The following RAPGEF5 variants were observed in gnomAD, a reference collection of about 807,000 sequenced individuals.
RAPGEF5 encodes Rap guanine nucleotide exchange factor 5.
In RAPGEF5, 65 loss-of-function variants were observed where a neutral mutation model predicts 125.2. The observed-to-expected ratio is 0.52, with a 90% CI of 0.43 to 0.64. The LOEUF is 0.64. Among genes scored for constraint, RAPGEF5 ranks in the 30% least tolerant of loss-of-function variants. The probability of loss-of-function intolerance (pLI) is 0.00; values close to 1 mark genes in which losing one functional copy is unlikely to be tolerated. For synonymous variants in RAPGEF5, 391 were observed against 385.9 expected, an observed-to-expected ratio of 1.01 and a Z score of -0.16; for missense variants, 958 against 1,048.1, an observed-to-expected ratio of 0.91 and a Z score of 1.19.
intron 19 of RAPGEF5, among the ~76,000 whole-genome samples, chr7:22,146,691 T>G (rs1393966730): frequency 6.6e-6 from 1 of 152,206 alleles, no homozygotes; most frequent in Non-Finnish European, 1.5e-5. Context: ...CACAAGCATA[T>G]GCTCACACTA....
intron 7 of RAPGEF5, among the ~76,000 whole-genome samples, chr7:22,252,368 G>T (rs986855883): frequency 6.6e-6 from 1 of 152,190 alleles, no homozygotes; most frequent in Non-Finnish European, 1.5e-5. Context: ...TGTCTACTAA[G>T]TGTTACACAG....
intron 21 of RAPGEF5, among the ~76,000 whole-genome samples, chr7:22,137,959 G>A (rs1783129145): frequency 6.6e-6 from 1 of 151,058 alleles, no homozygotes; most frequent in Admixed American, 6.6e-5. Flanking sequence ...TTTTGAATAT[G>A]GACTCAGTTT....
At chr7:22,184,233 G>A (rs1724574047) in intron 11 of RAPGEF5, among the ~76,000 whole-genome samples, 1 of 152,152 alleles carries the variant, frequency 6.6e-6, no homozygotes, top group African/African-American at 2.4e-5. Flanking sequence ...AATTCTAACA[G>A]TGGACACAGA....
chr7:22,232,952 G>A (rs1786096086), intron 7 of RAPGEF5, among the ~76,000 whole-genome samples: 1 of 152,188 alleles, frequency 6.6e-6, no homozygotes, highest in African/African-American at 2.4e-5. Flanking sequence ...AGGCAAGGTA[G>A]GAAGAGGTGA....
At chr7:22,261,859 A>C (rs1183442424) in intron 7 of RAPGEF5, among the ~76,000 whole-genome samples, 2 of 152,200 alleles carry the variant, frequency 1.3e-5, no homozygotes, top group African/African-American at 4.8e-5. Context: ...GGCCAAAAAA[A>C]AAAAGAGAAA....
intron 3 of RAPGEF5, among the ~76,000 whole-genome samples, chr7:22,311,319 G>GT (rs1481420106): frequency 1.3e-5 from 2 of 152,002 alleles, no homozygotes; most frequent in Admixed American, 1.3e-4. Context: ...TGGCCAAAAT[G>GT]TTTTTTTAAA....
rs531672724 is a variant in RAPGEF5, at chr7:22,146,783, T to C, written c.2007+114A>G. ...TCAATATATTTCAAGTCCCCAAATA[T>C]CTTTTGGACCACGTTATTCTAGCAT... On this transcript the variant is annotated intron_variant, in intron 19 of 25. Coordinates refer to ENST00000665637, the MANE Select transcript of RAPGEF5 (RefSeq NM_012294.5). 6,497 of 1,279,138 alleles carry C rather than the reference T, an allele frequency of 5.1e-3. 23 individuals are homozygous for C. The highest frequency in any genetic ancestry group is 6.2e-3 in the Non-Finnish European group (5,885 of 955,692). The allele number at this position is 1,279,138 out of a possible 1,614,324, so 79.2% of individuals were successfully genotyped here.
chr7:22,252,672 T>C (rs1485970880), intron 7 of RAPGEF5, among the ~76,000 whole-genome samples: 1 of 152,246 alleles, frequency 6.6e-6, no homozygotes, highest in Non-Finnish European at 1.5e-5. Flanking sequence ...TTTTCTTTTA[T>C]AGTATGCCAT....
chr7:22,173,510 C>G (rs1360255215), intron 11 of RAPGEF5, among the ~76,000 whole-genome samples: 1 of 152,112 alleles, frequency 6.6e-6, no homozygotes, highest in African/African-American at 2.4e-5. Flanking sequence ...GTTTATATAT[C>G]AAATCTTAAA....
intron 24 of RAPGEF5, among the ~76,000 whole-genome samples, chr7:22,130,560 G>A (rs1342955692): frequency 6.6e-6 from 1 of 152,158 alleles, no homozygotes; most frequent in Non-Finnish European, 1.5e-5. Context: ...GCAAATTCCA[G>A]CCTCACATTT....
intron 1 of RAPGEF5, among the ~76,000 whole-genome samples, chr7:22,319,997 G>A (rs2128155537): frequency 6.6e-6 from 1 of 152,256 alleles, no homozygotes; most frequent in South Asian, 2.1e-4. Flanking sequence ...CCCCATGGAT[G>A]GCTTGCTTCA....
intron 7 of RAPGEF5, among the ~76,000 whole-genome samples, chr7:22,264,822 C>T (rs1251109064): frequency 1.3e-5 from 2 of 152,170 alleles, no homozygotes; most frequent in Non-Finnish European, 2.9e-5. Context: ...TATTACTTCT[C>T]TACTTTATTC....
At chr7:22,162,697 G>C (rs28450495) in intron 12 of RAPGEF5, among the ~76,000 whole-genome samples, 156 bp from the exon 13 acceptor site, 2 of 152,334 alleles carry the variant, frequency 1.3e-5, no homozygotes, top group South Asian at 4.1e-4. Context: ...TGTGCACTGA[G>C]AAGAGCAAAA....
chr7:22,262,502 ACTGT>A (rs1435912376), intron 7 of RAPGEF5, among the ~76,000 whole-genome samples: 1 of 152,234 alleles, frequency 6.6e-6, no homozygotes, highest in Non-Finnish European at 1.5e-5. Context: ...TGGCACAGCT[ACTGT>A]GAAAGATAGT....
intron 12 of RAPGEF5, among the ~76,000 whole-genome samples, chr7:22,165,396 T>G (rs1357090998): frequency 2.0e-5 from 3 of 152,210 alleles, no homozygotes; most frequent in Non-Finnish European, 4.4e-5. Flanking sequence ...AGAAATATGT[T>G]AGCATTAAAA....
chr7:22,122,602 G>T, intron 25 of RAPGEF5, 81 bp from the exon 26 acceptor site: 1 of 1,017,482 alleles, frequency 9.8e-7, no homozygotes, highest in Non-Finnish European at 1.5e-6. Flanking sequence ...CCCACACTAA[G>T]GCTGAGTAAA....
intron 7 of RAPGEF5, among the ~76,000 whole-genome samples, chr7:22,263,369 T>C (rs986551071): frequency 6.6e-6 from 1 of 152,214 alleles, no homozygotes; most frequent in Non-Finnish European, 1.5e-5. Context: ...AGAGCACATA[T>C]AAGATGATCC....
chr7:22,303,519 T>C (rs142523000), intron 5 of RAPGEF5, among the ~76,000 whole-genome samples: 11 of 152,344 alleles, frequency 7.2e-5, no homozygotes, highest in Non-Finnish European at 1.3e-4. Context: ...TGTGTTTACA[T>C]AGAGCCATTA....
At chr7:22,243,503 G>A (rs1009230621) in intron 7 of RAPGEF5, among the ~76,000 whole-genome samples, 4 of 152,070 alleles carry the variant, frequency 2.6e-5, no homozygotes, top group African/African-American at 9.7e-5. Context: ...TGATCCACCC[G>A]TCTCGGCCTC....
Sources: gnomAD v4.1 joint callset for allele counts (sites outside exome capture counted in the v4.1 genomes callset) on GRCh38, gnomAD v4.1.1 for gene constraint, MANE v1.5 for transcripts, NCBI Gene and HGNC (gene_info 2026-07-23, HGNC 2026-07-21) for gene names.